SV2A: variants seen among roughly 807,000 people sequenced by gnomAD.
The protein encoded by SV2A is synaptic vesicle glycoprotein 2A, also known as solute carrier family 22 member B1.
In SV2A, 25 loss-of-function variants were observed where a neutral mutation model predicts 78.0. The observed-to-expected ratio is 0.32, with a 90% confidence interval of 0.23 to 0.45. The LOEUF is 0.45. Among genes scored for constraint, SV2A ranks in the 20% least tolerant of loss-of-function variants. SV2A has a pLI of 1.00. For missense variants in SV2A, 752 were observed against 971.5 expected (o/e 0.77, Z 3.00); for synonymous variants, 355 against 384.7 (o/e 0.92, Z 0.90).
rs200889129 is a variant in SV2A, at chr1:149,913,490, C to T, written c.351G>A (p.Ala117=). The stretch of plus-strand genomic sequence containing the variant: ...AGCCCCCCCTTACTCCAGCCAGGGG[C>T]GCCCCATCTGCCATCCGCTCGCCTT... ...GGKGERMADG[A]PLAGVRGGLS... is the part of the protein sequence containing the mutation. Residue 117 remains alanine, a synonymous_variant, in exon 2 of 13, where the codon GCG becomes GCA. Coordinates refer to ENST00000369146, the MANE Select transcript of SV2A (RefSeq NM_014849.5). The T allele has an allele frequency of 7.7e-5, 124 of 1,606,162 alleles. No homozygotes were observed. The highest frequency in any genetic ancestry group is 1.8e-4 in the South Asian group (16 of 90,884).
intron 6 of SV2A, 76 bp downstream of exon 6, chr1:149,909,725 G>A (rs1571502423): frequency 4.6e-6 from 7 of 1,506,524 alleles, no homozygotes; most frequent in Admixed American, 1.7e-5. Flanking sequence ...CTGAGGTGGG[G>A]GGTACTCAGA....
Position 149,907,635 on chromosome 1 carries a change from A to G in SV2A, c.1678+65T>C. The G allele has an allele frequency of 1.9e-6, 3 of 1,557,208 alleles. No individual in the cohort carries two copies. In the South Asian group the frequency reaches 3.7e-5, roughly 19 times the overall value. ...AGAACCCTAAGATAGTGAATGAAAA[A>G]GGTTCCTTCTCATCAAGGTCCACCC... On this transcript the variant is annotated intron_variant, in intron 10 of 12. Transcript: ENST00000369146.
chr1:149,914,603 C>G (rs782002089), intron 1 of SV2A, among the ~76,000 whole-genome samples: 3 of 152,212 alleles, frequency 2.0e-5, no homozygotes, highest in African/African-American at 4.8e-5. Flanking sequence ...GTGGCCTTCC[C>G]TCCTCTGATG....
At chr1:149,906,599 C>T (rs782760117) in intron 11 of SV2A, 51 bp downstream of exon 11, 11 of 1,593,914 alleles carry the variant, frequency 6.9e-6, no homozygotes, top group Non-Finnish European at 7.7e-6. Context: ...TGACTGCCTC[C>T]CGCAGCCCCT....
Position 149,913,353 on chromosome 1 carries a change from C to A in SV2A, c.488G>T (p.Arg163Leu). ...EAILRECGHG[R>L]FQWTLYFVLG... ...CACAAAATACAGTGTCCACTGGAAG[C>A]GGCCGTGGCCACACTCCCGTAGGAT... Residue 163 changes from arginine (R) to leucine (L), a missense_variant, in exon 2 of 13, where the codon CGC becomes CTC. By Grantham distance (102) the Arg-to-Leu change is moderately radical. Coordinates refer to ENST00000369146, the MANE Select transcript of SV2A (RefSeq NM_014849.5). 6.2e-7 allele frequency: 1 copy of A among 1,614,164 alleles called. No homozygotes were observed. The highest frequency in any genetic ancestry group is 8.5e-7 in the Non-Finnish European group (1 of 1,180,040).
In SV2A at chr1:149,909,444, AC is replaced by A; in HGVS notation, c.1290+16del. 6.3e-7 allele frequency: 1 copy of A among 1,599,724 alleles called. No homozygotes were observed. The highest frequency in any genetic ancestry group is 2.2e-5 in the East Asian group (1 of 44,692). On this transcript the variant is annotated intron_variant, in intron 7 of 12. Transcript: ENST00000369146. ...CTTCCCCCACTCCCTTCTATCTACCACCCCGTCCACCATTACCTGCCCCCCT... is the reference window on the plus strand; with the variant it reads ...CTTCCCCCACTCCCTTCTATCTACCACCCGTCCACCATTACCTGCCCCCCT...
chr1:149,908,478 CAA>C (rs2092453451), intron 8 of SV2A, among the ~76,000 whole-genome samples: 2 of 152,204 alleles, frequency 1.3e-5, no homozygotes, highest in South Asian at 4.2e-4. Flanking sequence ...TTCCCTCTGC[CAA>C]AAACACTCTT....
At chr1:149,909,592 G>T (rs782153939) in intron 6 of SV2A, 21 bp from the exon 7 acceptor site, 1 of 1,602,330 alleles carries the variant, frequency 6.2e-7, no homozygotes, top group Non-Finnish European at 8.6e-7. Flanking sequence ...GAGAAGGGGT[G>T]GGCAGTCACA....
At chr1:149,907,251 T>A (rs1485127776) in intron 10 of SV2A, among the ~76,000 whole-genome samples, 1 of 152,176 alleles carries the variant, frequency 6.6e-6, no homozygotes, top group Non-Finnish European at 1.5e-5. Context: ...TCGCCCAGTA[T>A]GAGGTGGGAA....
rs782750845 is a variant in SV2A, at chr1:149,906,016, C to G, written c.1909G>C (p.Val637Leu). 7.4e-6 allele frequency: 12 copies of G among 1,614,168 alleles called. No individual in the cohort carries two copies. The highest frequency in any genetic ancestry group is 1.0e-5 in the Non-Finnish European group (12 of 1,180,038). The change falls in exon 12 of 13, where the codon GTC becomes CTC. Residue 637 changes from valine (V) to leucine (L), a missense_variant. By Grantham distance (32) the Val-to-Leu change is conservative. Transcript: ENST00000369146. The stretch of plus-strand genomic sequence containing the variant: ...CCAAAAGACAGGAAGAAGCAGGAGA[C>G]ACAGGACATCACGCTGGAGCCAGCT... Reference protein sequence around the residue: ...MLAGSSVMSCVSCFFLSFGNS... With the variant: ...MLAGSSVMSCLSCFFLSFGNS...
Position 149,907,767 on chromosome 1 carries a change from C to G in SV2A, c.1611G>C (p.Glu537Asp), listed in dbSNP as rs1218788100. The G allele has an allele frequency of 7.4e-6, 12 of 1,614,172 alleles. No homozygotes were observed. The highest frequency in any genetic ancestry group is 9.3e-6 in the Non-Finnish European group (11 of 1,180,036). Reference protein sequence around the residue: ...EDSLFEECYFEDVTSSNTFFR... With the variant: ...EDSLFEECYFDDVTSSNTFFR... ...AAAACGTGTTGCTGGATGTGACATC[C>G]TCAAAATAACACTCTTCAAACAGGG... The change falls in exon 10 of 13, where the codon GAG becomes GAC. Residue 537 changes from glutamate to aspartate, a missense_variant. Physicochemically the swap from Glu to Asp is conservative, Grantham distance 45. Transcript: ENST00000369146.
In SV2A at chr1:149,913,425, G is replaced by A. The variant is rs2092488555; in HGVS notation, c.416C>T (p.Ala139Val). Residue 139 changes from alanine (A) to valine (V), a missense_variant, in exon 2 of 13, where the codon GCA (alanine) becomes GTA (valine). Ala to Val is a moderately conservative substitution (Grantham distance 64, BLOSUM62 0). Coordinates refer to ENST00000369146, the MANE Select transcript of SV2A (RefSeq NM_014849.5). Reference protein sequence around the residue: ...GEGPPGGRGEAQRRKEREELA... With the variant: ...GEGPPGGRGEVQRRKEREELA... ...TTCTTCTCGTTCTTTCCGTCGTTGT[G>A]CCTCCCCCCGGCCCCCAGGGGGACC... The A allele has an allele frequency of 6.2e-7, 1 of 1,613,780 alleles. No homozygotes were observed. Among genetic ancestry groups the A allele is most frequent in the Non-Finnish European group, 8.5e-7 (1 of 1,179,978 alleles).
chr1:149,905,855 C>T (rs1409813895), intron 12 of SV2A, 25 bp downstream of exon 12: 11 of 1,612,658 alleles, frequency 6.8e-6, no homozygotes, highest in Non-Finnish European at 9.3e-6. Context: ...AATCCACTGC[C>T]CTGCCTCCAA....
rs782361576 is a variant in SV2A at position 149,908,048 on chromosome 1, T to C, written c.1538A>G (p.Asn513Ser). 43 of 1,613,832 alleles carry C rather than the reference T, an allele frequency of 2.7e-5. No individual in the cohort carries two copies. The Admixed American group carries it at 5.3e-4, about 20-fold the overall frequency. Residue 513 changes from asparagine to serine, a missense_variant, in exon 9 of 13, where the codon AAT (asparagine) becomes AGT (serine). By Grantham distance (46) the Asn-to-Ser change is conservative. This residue lies in a region of SV2A where 81 missense variants were observed against 74.2 expected (regional missense o/e 1.09). Transcript: ENST00000369146. ...TTTAAAAGTCCCCACATACTTGTCA[T>C]TGAAGTACTGCCCGCCTCGGTGGAT... ...NQIHRGGQYFNDKFIGLRLKS... is the reference protein window; with the variant it reads ...NQIHRGGQYFSDKFIGLRLKS...
At chr1:149,907,036 C>A in intron 10 of SV2A, 180 bp from the exon 11 acceptor site, 1 of 1,420,294 alleles carries the variant, frequency 7.0e-7, no homozygotes, top group Admixed American at 2.5e-5. Flanking sequence ...ATCTTTAGAG[C>A]AGAAAATGAC....
At chr1:149,912,586 G>T (rs2101623403) in intron 2 of SV2A, among the ~76,000 whole-genome samples, 2 of 151,886 alleles carry the variant, frequency 1.3e-5, no homozygotes, top group South Asian at 4.2e-4. Context: ...CAAGCCCCAG[G>T]AAGAAGAGAC....
At chr1:149,909,318 T>C in intron 7 of SV2A, 38 bp from the exon 8 acceptor site, 1 of 1,605,016 alleles carries the variant, frequency 6.2e-7, no homozygotes, top group Non-Finnish European at 8.5e-7. Flanking sequence ...TTGACTATAC[T>C]AAGTTCTAGC....
In SV2A at chr1:149,909,903, A is replaced by T; in HGVS notation, c.1090-13T>A. The T allele has an allele frequency of 6.2e-7, 1 of 1,613,624 alleles. No homozygotes were observed. Among genetic ancestry groups the T allele is most frequent in the Non-Finnish European group, 8.5e-7 (1 of 1,179,716 alleles). ...CATGCTTTCCATTCTAGAGCCAAAG[A>T]CACAATCCCCACATCCAAGTCAGCC... On this transcript the variant is annotated splice_polypyrimidine_tract_variant and intron_variant, in intron 5 of 12. Coordinates refer to ENST00000369146, the MANE Select transcript of SV2A (RefSeq NM_014849.5).
In SV2A at chr1:149,911,966, G is replaced by T; in HGVS notation, c.637C>A (p.Leu213Met). 6.2e-7 allele frequency: 1 copy of T among 1,614,038 alleles called. No homozygotes were observed. ...AGGAAGGCTCCCACCATCATGCCCA[G>T]GTAGACGATGAGGCCTGGAAGGAGG... ...NKGMLGLIVY[L>M]GMMVGAFLWG... Residue 213 changes from leucine to methionine, a missense_variant, in exon 3 of 13, where the codon CTG (leucine) becomes ATG (methionine). This residue lies in a region of SV2A where 291 missense variants were observed against 359.5 expected (regional missense o/e 0.81). Coordinates refer to ENST00000369146, the MANE Select transcript of SV2A (RefSeq NM_014849.5).
Sources: allele counts gnomAD v4.1 joint callset (sites outside exome capture counted in the v4.1 genomes callset), GRCh38; gene constraint gnomAD v4.1.1; regional missense constraint gnomAD v4.1.1; transcripts MANE v1.5; gene names NCBI Gene and HGNC (gene_info 2026-07-23, HGNC 2026-07-21).